GLCE: variants seen among roughly 807,000 people sequenced by gnomAD.
The protein encoded by GLCE is glucuronic acid epimerase, also known as D-glucuronyl C5-epimerase.
In GLCE, 19 loss-of-function variants were observed where a neutral mutation model predicts 47.9. The observed-to-expected ratio is 0.40, with a 90% confidence interval of 0.28 to 0.58. The LOEUF is 0.58. GLCE is among the 20% of genes least tolerant of loss of function. The pLI, the probability that GLCE is intolerant of heterozygous loss-of-function variation, is 0.48. For synonymous variants in GLCE, 245 were observed against 263.4 expected, an observed-to-expected ratio of 0.93 and a Z score of 0.68; for missense variants, 556 against 743.3, an observed-to-expected ratio of 0.75 and a Z score of 2.93.
chr15:69,262,366 A>T (rs1190049807), intron 4 of GLCE, among the ~76,000 whole-genome samples: 2 of 152,260 alleles, frequency 1.3e-5, no homozygotes, highest in Admixed American at 6.5e-5. Context: ...TGGCTGAGTG[A>T]GAAAGTACAA....
At position 69,270,850 on chromosome 15, in the gene GLCE, G is replaced by A. The variant is rs530121200; in HGVS notation, c.*1606G>A. On this transcript the variant is annotated 3_prime_UTR_variant, in exon 5 of 5. Transcript: ENST00000261858. Reference sequence around the variant, plus strand: ...ATGTGACCACACTCTTCTTAATTTTGTTCACAGTAAAAACACTTTTTTGAG... The same window carrying A: ...ATGTGACCACACTCTTCTTAATTTTATTCACAGTAAAAACACTTTTTTGAG... The A allele has an allele frequency of 6.6e-6, 1 of 152,042 alleles. No individual in the cohort carries two copies. Among genetic ancestry groups the A allele is most frequent in the African/African-American group, 2.4e-5 (1 of 41,398 alleles). 9.4% of individuals were successfully genotyped at this position (152,042 alleles called of 1,614,324 possible). A position where few individuals can be genotyped will look rare whatever the true frequency, so the allele number is the denominator to read the frequency against.
At chr15:69,249,936 T>G (rs2052814297) in intron 2 of GLCE, among the ~76,000 whole-genome samples, 1 of 152,224 alleles carries the variant, frequency 6.6e-6, no homozygotes, top group Non-Finnish European at 1.5e-5. Context: ...CAAAGAAGTT[T>G]TTCCACAGTT....
At chr15:69,238,690 A>G (rs531135426) in intron 2 of GLCE, among the ~76,000 whole-genome samples, 1 of 152,298 alleles carries the variant, frequency 6.6e-6, no homozygotes, top group Non-Finnish European at 1.5e-5. Context: ...CAAGCTCTGG[A>G]TTGTGGAAAG....
chr15:69,260,460 G>A (rs367768248), intron 3 of GLCE, among the ~76,000 whole-genome samples: 9 of 151,828 alleles, frequency 5.9e-5, no homozygotes, highest in African/African-American at 1.2e-4. Context: ...GGGTTTCACC[G>A]TGTTGCCCAG....
intron 1 of GLCE, among the ~76,000 whole-genome samples, chr15:69,201,397 G>T (rs538104926): frequency 6.6e-6 from 1 of 151,996 alleles, no homozygotes; most frequent in Non-Finnish European, 1.5e-5. Context: ...TGCTTGCTGT[G>T]TCTAGTCATT....
intron 2 of GLCE, among the ~76,000 whole-genome samples, chr15:69,245,625 A>G (rs1379167315): frequency 6.6e-6 from 1 of 152,192 alleles, no homozygotes; most frequent in Non-Finnish European, 1.5e-5. Context: ...TTTATCCACA[A>G]TAGAACTTCT....
chr15:69,182,867 T>C (rs1282208540), intron 1 of GLCE, among the ~76,000 whole-genome samples: 4 of 151,922 alleles, frequency 2.6e-5, no homozygotes, highest in African/African-American at 9.7e-5. Flanking sequence ...ATACAAAAAT[T>C]AGTCGGGTGT....
chr15:69,226,635 A>G (rs2052451325), intron 2 of GLCE, among the ~76,000 whole-genome samples: 1 of 152,020 alleles, frequency 6.6e-6, no homozygotes, highest in African/African-American at 2.4e-5. Flanking sequence ...TTGCATAGAA[A>G]GTATAAGAAT....
rs567071561 is a variant in GLCE, at chr15:69,231,525, C to T, written c.-14+21119C>T. 9.3e-4 allele frequency among the ~76,000 whole-genome samples: 142 copies of T among 152,146 alleles called. 1 individual carries two copies. The highest frequency in any genetic ancestry group is 2.6e-3 in the Admixed American group (40 of 15,276). On this transcript the variant is annotated intron_variant, in intron 2 of 4. Coordinates refer to ENST00000261858, the MANE Select transcript of GLCE (RefSeq NM_015554.3). ...GTCTCGATTTCCTGATCTCGTGATC[C>T]GCCTGCCTCAGCCTCCCAAAGTGCT... is the stretch of plus-strand genomic sequence containing the variant.
intron 2 of GLCE, among the ~76,000 whole-genome samples, chr15:69,221,254 G>C (rs1409752179): frequency 6.6e-6 from 1 of 152,004 alleles, no homozygotes; most frequent in Non-Finnish European, 1.5e-5. Flanking sequence ...GTGGATTTTT[G>C]GTTAGGTTTT....
At chr15:69,258,234 G>A (rs2052958341) in intron 3 of GLCE, among the ~76,000 whole-genome samples, 1 of 151,428 alleles carries the variant, frequency 6.6e-6, no homozygotes, top group Non-Finnish European at 1.5e-5. Context: ...ACTTAGAAGT[G>A]AGAACATGCA....
intron 2 of GLCE, among the ~76,000 whole-genome samples, chr15:69,252,399 G>T (rs1343647160): frequency 1.3e-5 from 2 of 152,224 alleles, no homozygotes; most frequent in Non-Finnish European, 2.9e-5. Flanking sequence ...AGGTCACATG[G>T]CCAGGGCAGG....
intron 2 of GLCE, among the ~76,000 whole-genome samples, chr15:69,224,713 A>G: frequency 6.6e-6 from 1 of 152,244 alleles, no homozygotes; most frequent in East Asian, 1.9e-4. Flanking sequence ...CCTGCCAGGG[A>G]GCTAGGAGTG....
chr15:69,209,656 G>T (rs1009447100), intron 1 of GLCE, among the ~76,000 whole-genome samples: 10 of 152,010 alleles, frequency 6.6e-5, no homozygotes, highest in African/African-American at 9.7e-5. Flanking sequence ...CAACTTTGAG[G>T]TGTTGCTCTC....
rs552257481 is a variant in GLCE at position 69,255,810 on chromosome 15, C to T, written c.4C>T (p.Arg2Cys). Reference sequence around the variant, plus strand: ...CCTCCATAGGTATGGTCTGAATATGCGTTGCTTGGCAGCTCGGGTCAACTA... The same window carrying T: ...CCTCCATAGGTATGGTCTGAATATGTGTTGCTTGGCAGCTCGGGTCAACTA... MRCLAARVNYKT... is the reference protein window; with the variant it reads MCCLAARVNYKT... Residue 2 changes from arginine to cysteine, a missense_variant, in exon 3 of 5, where the codon CGT becomes TGT. By Grantham distance (180) the Arg-to-Cys change is radical. Coordinates refer to ENST00000261858, the MANE Select transcript of GLCE (RefSeq NM_015554.3). 5.6e-6 allele frequency: 9 copies of T among 1,603,068 alleles called. No individual in the cohort carries two copies. The highest frequency in any genetic ancestry group is 2.7e-5 in the African/African-American group (2 of 74,648).
intron 1 of GLCE, chr15:69,197,337 G>T: frequency 4.0e-6 from 1 of 248,066 alleles, no homozygotes; most frequent in Non-Finnish European, 8.2e-6. Flanking sequence ...CTTTCCAAGA[G>T]TTTATCGAAT....
At position 69,224,204 on chromosome 15, in the gene GLCE, C is replaced by G. The variant is rs980089384; in HGVS notation, c.-14+13798C>G. 3.5e-4 allele frequency among the ~76,000 whole-genome samples: 54 copies of G among 152,122 alleles called. 1 individual carries two copies. Among genetic ancestry groups the G allele is most frequent in the Admixed American group, 1.3e-3 (20 of 15,274 alleles). ...GTCTGGAAATCAGATTTTCTCCTTTCACTAGGGCTGGTTGTTTTAGTATTA... is the reference window on the plus strand; with the variant it reads ...GTCTGGAAATCAGATTTTCTCCTTTGACTAGGGCTGGTTGTTTTAGTATTA... On this transcript the variant is annotated intron_variant, in intron 2 of 4. Coordinates refer to ENST00000261858, the MANE Select transcript of GLCE (RefSeq NM_015554.3).
intron 1 of GLCE, among the ~76,000 whole-genome samples, chr15:69,167,669 G>T (rs1295809115): frequency 1.3e-5 from 2 of 152,182 alleles, no homozygotes; most frequent in Admixed American, 1.3e-4. Flanking sequence ...AGTGTATAAA[G>T]ATAACCATGA....
At chr15:69,175,200 T>G (rs1442254284) in intron 1 of GLCE, among the ~76,000 whole-genome samples, 1 of 152,108 alleles carries the variant, frequency 6.6e-6, no homozygotes, top group Non-Finnish European at 1.5e-5. Context: ...TTGTAAAATT[T>G]ACAAATAATA....
Sources: allele counts gnomAD v4.1 joint callset (sites outside exome capture counted in the v4.1 genomes callset), GRCh38; gene constraint gnomAD v4.1.1; transcripts MANE v1.5; gene names NCBI Gene and HGNC (gene_info 2026-07-23, HGNC 2026-07-21).